Variants in GSG1L2 observed in about 807,000 individuals in gnomAD.
GSG1L2 encodes the protein GSG1 like 2, also known as germ cell-specific gene 1-like protein 2.
GSG1L2 carries 15 observed loss-of-function variants against 9.0 expected under a neutral mutation model. The observed-to-expected ratio is 1.67, with a 90% CI of 1.12 to 2.57. GSG1L2 has a LOEUF of 2.57. Among genes scored for constraint, GSG1L2 ranks in the 30% most tolerant of loss-of-function variants. The pLI is 0.00. For synonymous variants in GSG1L2, 127 were observed against 57.9 expected (o/e 2.19, Z -5.41); for missense variants, 286 against 150.3 (o/e 1.90, Z -4.72).
intron 1 of GSG1L2, among the ~76,000 whole-genome samples, chr17:9,814,590 T>C (rs934430946): frequency 6.6e-6 from 1 of 152,190 alleles, no homozygotes; most frequent in Non-Finnish European, 1.5e-5. Flanking sequence ...AGTCAGAGCC[T>C]AGTGACCCCT....
rs2066498912 is a variant in GSG1L2 at position 9,802,115 on chromosome 17, T to C, written c.*271A>G. ...CTGTTTCTTTGGTATCCTTATCAAA[T>C]TCACTGTCATTAAGAAGCTCTCTTT... On this transcript the variant is annotated 3_prime_UTR_variant, in exon 5 of 5. Coordinates refer to ENST00000399363, the MANE Select transcript of GSG1L2 (RefSeq NM_001310219.2). 6.6e-6 allele frequency among the ~76,000 whole-genome samples: 1 copy of C among 152,248 alleles called. No individual in the cohort carries two copies. Among genetic ancestry groups the C allele is most frequent in the Non-Finnish European group, 1.5e-5 (1 of 68,032 alleles).
intron 2 of GSG1L2, chr17:9,809,203 TG>T: frequency 2.0e-6 from 1 of 498,862 alleles, no homozygotes; most frequent in Non-Finnish European, 3.6e-6. Flanking sequence ...GAACGGGCGG[TG>T]GGGTGGGGGC....
chr17:9,808,968 A>C lies in GSG1L2; in HGVS notation c.373T>G (p.Ser125Ala), dbSNP rs1224513824. ...ATATCCAGGACCTCGCCCCCGATGG[A>C]CAGCCACAAAACACCTGCCAAAGAA... ...PAEEQGVLWL[S>A]IGGEVLDIVL... is the part of the protein sequence containing the mutation. Residue 125 changes from serine to alanine, a missense_variant, in exon 3 of 5, where the codon TCC becomes GCC. Physicochemically the swap from Ser to Ala is moderately conservative, Grantham distance 99. Transcript: ENST00000399363. 1 of 703,052 alleles carries C rather than the reference A, an allele frequency of 1.4e-6. No individual in the cohort carries two copies. Among genetic ancestry groups the C allele is most frequent in the African/African-American group, 1.7e-5 (1 of 57,382 alleles). The allele number at this position is 703,052 out of a possible 1,614,324, so 43.6% of individuals were successfully genotyped here.
At chr17:9,817,113 C>A (rs1180090811) in intron 1 of GSG1L2, among the ~76,000 whole-genome samples, 1 of 152,134 alleles carries the variant, frequency 6.6e-6, no homozygotes, top group Non-Finnish European at 1.5e-5. Context: ...CACACGCGAA[C>A]TGAGTGACAA....
Position 9,808,933 on chromosome 17 carries a change from T to A in GSG1L2, c.408A>T (p.Ile136=), listed in dbSNP as rs1257421998. 1 of 703,002 alleles carries A rather than the reference T, an allele frequency of 1.4e-6. No individual in the cohort carries two copies. Among genetic ancestry groups the A allele is most frequent in the Middle Eastern group, 2.3e-4 (1 of 4,370 alleles). The allele number at this position is 703,002 out of a possible 1,614,324, so 43.5% of individuals were successfully genotyped here. Residue 136 remains isoleucine, a synonymous_variant, in exon 3 of 5, where the codon ATA becomes ATT. Coordinates refer to ENST00000399363, the MANE Select transcript of GSG1L2 (RefSeq NM_001310219.2). ...AGCCCAGGAGGATGGCGCTTGTCAGTATCAGAACGATATCCAGGACCTCGC... is the reference window on the plus strand; with the variant it reads ...AGCCCAGGAGGATGGCGCTTGTCAGAATCAGAACGATATCCAGGACCTCGC... ...IGGEVLDIVL[I]LTSAILLGSR...
intron 3 of GSG1L2, among the ~76,000 whole-genome samples, chr17:9,808,240 C>G (rs776731575): frequency 1.9e-4 from 29 of 152,004 alleles, no homozygotes; most frequent in Admixed American, 3.9e-4. Flanking sequence ...TGGAAAGGCC[C>G]ACTTAGGAGA....
rs558222609 is a variant in GSG1L2 at position 9,813,025 on chromosome 17, G to A, written c.311-2407C>T. Among the ~76,000 whole-genome samples the A allele has an allele frequency of 5.3e-5, 8 of 152,214 alleles. No individual in the cohort carries two copies. The South Asian group carries it at 6.2e-4, about 12-fold the overall frequency. ...TCCACCCTCATGACCTAATCACCAC[G>A]CAAAGGCCCCCACCTCCTAATACCA... On this transcript the variant is annotated intron_variant, in intron 1 of 4. Transcript: ENST00000399363.
At chr17:9,811,828 G>A (rs1326019245) in intron 1 of GSG1L2, among the ~76,000 whole-genome samples, 1 of 152,188 alleles carries the variant, frequency 6.6e-6, no homozygotes, top group African/African-American at 2.4e-5. Context: ...CTACATCACT[G>A]ACTTAATGCA....
At position 9,810,633 on chromosome 17, in the gene GSG1L2, G is replaced by T. The variant is rs1597941798; in HGVS notation, c.311-15C>A. ...ACACTTTTCATCTGAAAGATAAAGA[G>T]AATGCATCCAGAAGTGGGTTACACT... On this transcript the variant is annotated splice_polypyrimidine_tract_variant and intron_variant, in intron 1 of 4. Transcript: ENST00000399363. 2.8e-6 allele frequency: 2 copies of T among 703,000 alleles called. No individual in the cohort carries two copies. Among genetic ancestry groups the T allele is most frequent in the Non-Finnish European group, 5.2e-6 (2 of 385,006 alleles). 43.5% of individuals were successfully genotyped at this position (703,000 alleles called of 1,614,324 possible). A position where few individuals can be genotyped will look rare whatever the true frequency, so the allele number is the denominator to read the frequency against.
At chr17:9,802,707 C>A in intron 4 of GSG1L2, 63 bp from the exon 5 acceptor site, 1 of 675,288 alleles carries the variant, frequency 1.5e-6, no homozygotes, top group South Asian at 1.5e-5. Flanking sequence ...TTCCTGTTTT[C>A]TCCAGACTGG....
intron 4 of GSG1L2, chr17:9,803,851 G>A (rs2066507165): frequency 6.6e-6 from 1 of 152,228 alleles, no homozygotes; most frequent in African/African-American, 2.4e-5. Context: ...GGGACATCCT[G>A]GATGCGGCTG....
In GSG1L2 at chr17:9,821,968, G is replaced by A. The variant is rs1597370112; in HGVS notation, c.104C>T (p.Thr35Ile). Residue 35 changes from threonine (T) to isoleucine (I), a missense_variant, in exon 1 of 5, where the codon ACC (threonine) becomes ATC (isoleucine). Coordinates refer to ENST00000399363, the MANE Select transcript of GSG1L2 (RefSeq NM_001310219.2). Reference protein sequence around the residue: ...AVVSSHWCEGTRRVVKPLCQD... With the variant: ...AVVSSHWCEGIRRVVKPLCQD... ...GCACAGTGGCTTCACCACCCGTCGG[G>A]TCCCCTCACACCAGTGGCTGCTGAC... 1 of 702,990 alleles carries A rather than the reference G, an allele frequency of 1.4e-6. No homozygotes were observed. Among genetic ancestry groups the A allele is most frequent in the Non-Finnish European group, 2.6e-6 (1 of 385,034 alleles). The allele number at this position is 702,990 out of a possible 1,614,324, so 43.5% of individuals were successfully genotyped here. A position where few individuals can be genotyped will look rare whatever the true frequency, so the allele number is the denominator to read the frequency against.
chr17:9,812,012 A>G (rs1227117514), intron 1 of GSG1L2, among the ~76,000 whole-genome samples: 1 of 145,948 alleles, frequency 6.9e-6, no homozygotes, highest in Non-Finnish European at 1.5e-5. Context: ...CACTTATCCA[A>G]TAGTCCCCAC....
Position 9,807,616 on chromosome 17 carries a change from C to G in GSG1L2, c.512-15G>C, listed in dbSNP as rs900888239. 8.4e-5 allele frequency: 59 copies of G among 703,250 alleles called. No individual in the cohort carries two copies. The Admixed American group carries it at 1.1e-3, about 14-fold the overall frequency. 43.6% of individuals were successfully genotyped at this position (703,250 alleles called of 1,614,324 possible). ...GCCTAGAAGCCCTGCGCAAGGAAAG[C>G]TCTGTGAGTCACAGCTAAGAAGACA... On this transcript the variant is annotated splice_polypyrimidine_tract_variant and intron_variant, in intron 3 of 4. Coordinates refer to ENST00000399363, the MANE Select transcript of GSG1L2 (RefSeq NM_001310219.2).
intron 3 of GSG1L2, chr17:9,807,841 C>T: frequency 2.3e-6 from 1 of 438,710 alleles, no homozygotes; most frequent in Non-Finnish European, 4.2e-6. Context: ...TCTCCATGGC[C>T]TGGTTCCTTC....
In GSG1L2 at chr17:9,808,536, C is replaced by G. The variant is rs895372671; in HGVS notation, c.511+294G>C. Reference sequence around the variant, plus strand: ...CCCTCCACAGACTCATGCCTAAGTACTGCTTTCAGTGAAGTGATGTCAGCT... The same window carrying G: ...CCCTCCACAGACTCATGCCTAAGTAGTGCTTTCAGTGAAGTGATGTCAGCT... On this transcript the variant is annotated intron_variant, in intron 3 of 4. Transcript: ENST00000399363. 4.6e-5 allele frequency among the ~76,000 whole-genome samples: 7 copies of G among 152,184 alleles called. No homozygotes were observed. The South Asian group carries it at 1.4e-3, about 31-fold the overall frequency.
intron 4 of GSG1L2, among the ~76,000 whole-genome samples, chr17:9,803,392 C>T (rs766185644): frequency 5.9e-5 from 9 of 152,168 alleles, no homozygotes; most frequent in African/African-American, 2.2e-4. Context: ...CATGAGCCAC[C>T]GCGCCCGACC....
intron 1 of GSG1L2, among the ~76,000 whole-genome samples, chr17:9,812,626 C>T (rs2152023706): frequency 6.6e-6 from 1 of 152,140 alleles, no homozygotes; most frequent in East Asian, 1.9e-4. Context: ...GAGCTTCTTT[C>T]ATTTTTTTTA....
intron 1 of GSG1L2, among the ~76,000 whole-genome samples, chr17:9,816,856 C>A (rs986001763): frequency 8.3e-5 from 3 of 36,022 alleles, no homozygotes; most frequent in African/African-American, 3.6e-4. Context: ...TTCTGTGTAT[C>A]TGTATGTGTG....
Sources: gnomAD v4.1 joint callset for allele counts (sites outside exome capture counted in the v4.1 genomes callset) on GRCh38, gnomAD v4.1.1 for gene constraint, MANE v1.5 for transcripts, NCBI Gene and HGNC (gene_info 2026-07-23, HGNC 2026-07-21) for gene names.